TANK: variants seen among roughly 807,000 people sequenced by gnomAD.
TANK encodes TRAF family member-associated NF-kappa-B activator.
In TANK, 15 loss-of-function variants were observed where a neutral mutation model predicts 43.6. That is an observed-to-expected ratio of 0.34 (90% CI 0.23 to 0.53). The LOEUF (loss-of-function observed/expected upper bound fraction) is 0.53. Among genes scored for constraint, TANK ranks in the 20% least tolerant of loss-of-function variants. The pLI is 0.94. For synonymous variants in TANK, 162 were observed against 178.2 expected (o/e 0.91, Z 0.73); for missense variants, 417 against 498.6 (o/e 0.84, Z 1.56).
At chr2:161,221,899 T>C (rs1376700109) in intron 4 of TANK, among the ~76,000 whole-genome samples, 2 of 152,094 alleles carry the variant, frequency 1.3e-5, no homozygotes, top group Non-Finnish European at 2.9e-5. Flanking sequence ...CTGAAGACCT[T>C]AGTTTAGATA....
chr2:161,169,417 G>A (rs1684844041), intron 1 of TANK, among the ~76,000 whole-genome samples: 1 of 152,198 alleles, frequency 6.6e-6, no homozygotes, highest in Non-Finnish European at 1.5e-5. Context: ...AGTAAAAGCT[G>A]AATGCTAATC....
At chr2:161,168,686 A>T (rs1684806331) in intron 1 of TANK, among the ~76,000 whole-genome samples, 1 of 152,146 alleles carries the variant, frequency 6.6e-6, no homozygotes. Flanking sequence ...TACAAAAATT[A>T]GCTGGGTGTG....
chr2:161,156,277 G>C, upstream of TANK: 1 of 985,294 alleles, frequency 1.0e-6, no homozygotes, highest in Non-Finnish European at 1.2e-6. Context: ...CTGCAATACT[G>C]ATTCCATCTT....
chr2:161,186,117 A>T (rs1370153539), intron 2 of TANK, among the ~76,000 whole-genome samples: 2 of 152,078 alleles, frequency 1.3e-5, no homozygotes, highest in Non-Finnish European at 2.9e-5. Context: ...AGATTGAGGG[A>T]GTTTGAGGCT....
chr2:161,172,317 C>G (rs1265112969), intron 1 of TANK, among the ~76,000 whole-genome samples: 13 of 137,954 alleles, frequency 9.4e-5, no homozygotes, highest in Non-Finnish European at 4.7e-5. Context: ...TATTGCTTTT[C>G]TCTATTGTTT....
chr2:161,218,551 A>AG (rs1687216371), intron 4 of TANK, among the ~76,000 whole-genome samples: 1 of 151,990 alleles, frequency 6.6e-6, no homozygotes, highest in African/African-American at 2.4e-5. Flanking sequence ...GTGGCTTGCC[A>AG]GGTGCAGTGG....
At chr2:161,163,703 A>C (rs1684545881) in intron 1 of TANK, among the ~76,000 whole-genome samples, 1 of 152,218 alleles carries the variant, frequency 6.6e-6, no homozygotes, top group Admixed American at 6.5e-5. Context: ...AATCCTACAG[A>C]GGGTTTCAAA....
chr2:161,230,909 T>G (rs1308220053), intron 6 of TANK, 62 bp from the exon 7 acceptor site: 3 of 1,288,088 alleles, frequency 2.3e-6, no homozygotes, highest in Non-Finnish European at 3.3e-6. Flanking sequence ...CAAAGCTGAT[T>G]GAACAGATTT....
At chr2:161,197,225 G>A (rs1316780046) in intron 2 of TANK, 2 of 152,212 alleles carry the variant, frequency 1.3e-5, no homozygotes, top group Non-Finnish European at 2.9e-5. Context: ...CAACAAATGT[G>A]CGATTTTTAT....
At position 161,210,088 on chromosome 2, in the gene TANK, C is replaced by T. The variant is rs150545504; in HGVS notation, c.327+5295C>T. 1.2e-4 allele frequency among the ~76,000 whole-genome samples: 18 copies of T among 152,178 alleles called. No homozygotes were observed. In the East Asian group the frequency reaches 1.9e-3, roughly 16 times the overall value. On this transcript the variant is annotated intron_variant, in intron 4 of 7. Coordinates refer to ENST00000392749, the MANE Select transcript of TANK (RefSeq NM_001199135.3). The stretch of plus-strand genomic sequence containing the variant: ...TGTCAGTTAAACAGTTTGCAGATTT[C>T]GAATATAGCTATCATTGTGATTAGA...
Position 161,212,063 on chromosome 2 carries a change from C to CTTT in TANK, c.327+7283_327+7285dup, listed in dbSNP as rs11375138. 12,890 of 648,264 alleles carry CTTT rather than the reference C, an allele frequency of 0.02. 1,194 individuals are homozygous for CTTT. In the African/African-American group the frequency reaches 0.23, roughly 11 times the overall value. 40.2% of individuals were successfully genotyped at this position (648,264 alleles called of 1,614,324 possible). A position where few individuals can be genotyped will look rare whatever the true frequency, so the allele number is the denominator to read the frequency against. ...TTTCCAAAGAGTCATAATACATAAA[C>CTTT]TTTTTTTTTTTTTTTGAGACAGGGT... On this transcript the variant is annotated intron_variant, in intron 4 of 7. Coordinates refer to ENST00000392749, the MANE Select transcript of TANK (RefSeq NM_001199135.3).
At chr2:161,139,815 C>A (rs1921308) in intron 1 of TANK, 34,585 of 985,276 alleles carry the variant, frequency 0.035, 782 homozygotes, top group East Asian at 0.19. Flanking sequence ...AACAAAGCAG[C>A]TATTCCTACG....
intron 7 of TANK, 23 bp from the exon 8 acceptor site, chr2:161,235,319 A>C (rs1349288825): frequency 6.4e-7 from 1 of 1,569,234 alleles, no homozygotes; most frequent in East Asian, 2.3e-5. Context: ...TAAGTAACAG[A>C]TATTTTTGTT....
chr2:161,208,548 A>G (rs1332149239), intron 4 of TANK, among the ~76,000 whole-genome samples: 1 of 152,144 alleles, frequency 6.6e-6, no homozygotes, highest in African/African-American at 2.4e-5. Context: ...GCTTAGAACG[A>G]CAAATTTACC....
In TANK at chr2:161,204,709, C is replaced by G; in HGVS notation, c.243C>G (p.Asp81Glu). The G allele has an allele frequency of 6.2e-7, 1 of 1,610,352 alleles. No homozygotes were observed. Among genetic ancestry groups the G allele is most frequent in the Non-Finnish European group, 8.5e-7 (1 of 1,178,632 alleles). Residue 81 changes from aspartate to glutamate, a missense_variant, in exon 4 of 8, where the codon GAC becomes GAG. Transcript: ENST00000392749. ...ATGGCTGTGTTCCTCTGCTTGAAGA[C>G]AGTGAAACAAGAAAGAATAATTTGA... ...NNYGCVPLLE[D>E]SETRKNNLTL...
chr2:161,150,604 T>TC (rs1292816429), intron 1 of TANK, among the ~76,000 whole-genome samples: 2 of 142,468 alleles, frequency 1.4e-5, no homozygotes, highest in Non-Finnish European at 3.0e-5. Flanking sequence ...TTTTTTTTTT[T>TC]TTTTTCTTTT....
rs369942503 is a variant in TANK, at chr2:161,206,940, T to C, written c.327+2147T>C. Among the ~76,000 whole-genome samples the C allele has an allele frequency of 1.2e-4, 19 of 152,224 alleles. No homozygotes were observed. The South Asian group carries it at 3.7e-3, about 30-fold the overall frequency. On this transcript the variant is annotated intron_variant, in intron 4 of 7. Transcript: ENST00000392749. ...TAGAATATCTCCAGTTTAAAGTATG[T>C]AGAAGGTAGTTTTGAAAATAAAACC...
At chr2:161,201,396 A>C (rs1215884402) in intron 2 of TANK, 1 of 457,232 alleles carries the variant, frequency 2.2e-6, no homozygotes, top group Non-Finnish European at 2.9e-6. Context: ...AGTTGGTTTC[A>C]AAAGAAAATA....
chr2:161,149,435 A>C (rs760498008), intron 1 of TANK, among the ~76,000 whole-genome samples: 17 of 152,180 alleles, frequency 1.1e-4, no homozygotes, highest in Non-Finnish European at 2.2e-4. Context: ...TAAGGATAGA[A>C]ATAGTTTTAC....
Sources: allele counts gnomAD v4.1 joint callset (sites outside exome capture counted in the v4.1 genomes callset), GRCh38; gene constraint gnomAD v4.1.1; transcripts MANE v1.5; gene names NCBI Gene and HGNC (gene_info 2026-07-23, HGNC 2026-07-21).